SMCHD1: variants seen among roughly 807,000 people sequenced by gnomAD.
SMCHD1 encodes structural maintenance of chromosomes flexible hinge domain-containing protein 1.
In SMCHD1, 78 loss-of-function variants were observed where a neutral mutation model predicts 254.7. The observed-to-expected ratio is 0.31, with a 90% confidence interval of 0.26 to 0.37. The LOEUF is 0.37. Among genes scored for constraint, SMCHD1 ranks in the 10% least tolerant of loss-of-function variants. The probability of loss-of-function intolerance (pLI) is 1.00; values close to 1 mark genes in which losing one functional copy is unlikely to be tolerated. For synonymous variants in SMCHD1, 766 were observed against 794.9 expected, an observed-to-expected ratio of 0.96 and a Z score of 0.61; for missense variants, 1,840 against 2,408.1, an observed-to-expected ratio of 0.76 and a Z score of 4.94.
chr18:2,671,596 T>C (rs1198606740), intron 3 of SMCHD1, among the ~76,000 whole-genome samples: 1 of 73,398 alleles, frequency 1.4e-5, no homozygotes, highest in Non-Finnish European at 2.7e-5. Context: ...TTTTCTTTTC[T>C]TTTTTTTTTT....
intron 41 of SMCHD1, 142 bp downstream of exon 41, chr18:2,772,514 A>C (rs655479): frequency 1.5e-6 from 1 of 653,312 alleles, no homozygotes; most frequent in East Asian, 3.5e-5. Context: ...TCATTATTGC[A>C]ATAGGGATTT....
intron 45 of SMCHD1, among the ~76,000 whole-genome samples, chr18:2,792,099 CAA>C (rs1221989963): frequency 6.6e-6 from 1 of 151,990 alleles, no homozygotes; most frequent in East Asian, 1.9e-4. Context: ...CAATAAAGTA[CAA>C]AAAGAGTTCA....
chr18:2,752,734 G>A lies in SMCHD1; in HGVS notation c.4346+182G>A, dbSNP rs974383459. 5 of 516,274 alleles carry A rather than the reference G, an allele frequency of 9.7e-6. No homozygotes were observed. The African/African-American group carries it at 9.9e-5, about 10-fold the overall frequency. The allele number at this position is 516,274 out of a possible 1,614,324, so 32.0% of individuals were successfully genotyped here. On this transcript the variant is annotated intron_variant, in intron 34 of 47. Coordinates refer to ENST00000320876, the MANE Select transcript of SMCHD1 (RefSeq NM_015295.3). The stretch of plus-strand genomic sequence containing the variant: ...GTTTTCGTTTTTAAGCATTAAATTG[G>A]TTTTAAGCTTTGTAAATTGTAATTG...
intron 47 of SMCHD1, chr18:2,796,729 C>T: frequency 3.9e-6 from 2 of 507,366 alleles, no homozygotes; most frequent in Non-Finnish European, 6.9e-6. Context: ...TACAGGCATG[C>T]ACCACCATGC....
intron 1 of SMCHD1, among the ~76,000 whole-genome samples, chr18:2,658,250 A>G (rs2073132989): frequency 6.6e-6 from 1 of 152,230 alleles, no homozygotes; most frequent in Admixed American, 6.5e-5. Flanking sequence ...TCCTCTAGAA[A>G]TGCACTATTT....
At chr18:2,697,174 A>C (rs2074302669) in intron 9 of SMCHD1, 52 bp downstream of exon 9, 3 of 921,630 alleles carry the variant, frequency 3.3e-6, no homozygotes, top group Admixed American at 6.2e-5. Context: ...TATTTGTTCC[A>C]GTTCCAAATG....
At chr18:2,759,209 A>C (rs953587651) in intron 34 of SMCHD1, among the ~76,000 whole-genome samples, 3 of 152,112 alleles carry the variant, frequency 2.0e-5, no homozygotes, top group African/African-American at 7.2e-5. Flanking sequence ...TATAGAAATA[A>C]TTGGATATAT....
At chr18:2,757,095 C>CAA (rs2075695941) in intron 34 of SMCHD1, among the ~76,000 whole-genome samples, 1 of 152,140 alleles carries the variant, frequency 6.6e-6, no homozygotes, top group Admixed American at 6.5e-5. Context: ...GTCACACACA[C>CAA]AAAACATGTA....
At chr18:2,761,886 G>T (rs913219597) in intron 35 of SMCHD1, among the ~76,000 whole-genome samples, 5 of 152,114 alleles carry the variant, frequency 3.3e-5, no homozygotes, top group African/African-American at 1.2e-4. Context: ...CTCTAAGTTT[G>T]TTCTTAGATG....
At chr18:2,771,449 C>A in intron 39 of SMCHD1, 84 bp from the exon 40 acceptor site, 1 of 1,033,608 alleles carries the variant, frequency 9.7e-7, no homozygotes, top group Non-Finnish European at 1.4e-6. Context: ...AAGGAAAAAA[C>A]AAAAGGAACT....
rs4798021 is a variant in SMCHD1 at position 2,752,839 on chromosome 18, G to A, written c.4346+287G>A. 25,754 of 259,082 alleles carry A rather than the reference G, an allele frequency of 0.099. 1,961 individuals carry two copies. The highest frequency in any genetic ancestry group is 0.41 in the East Asian group (3,437 of 8,452). The allele number at this position is 259,082 out of a possible 1,614,324, so 16.0% of individuals were successfully genotyped here. ...GCACTTTATAACTTCTTATTATATA[G>A]GAGGTTTCTATAAAGATTAGACTGG... On this transcript the variant is annotated intron_variant, in intron 34 of 47. Transcript: ENST00000320876.
At position 2,780,319 on chromosome 18, in the gene SMCHD1, G is replaced by A. The variant is rs978233749; in HGVS notation, c.5547+2080G>A. 6.0e-5 allele frequency among the ~76,000 whole-genome samples: 9 copies of A among 149,658 alleles called. No individual in the cohort carries two copies. The East Asian group carries it at 1.4e-3, about 23-fold the overall frequency. ...GAAAACTAAATTACTGGGATTTTGAGCATTATATAGCTAATTGGAAAATGG... is the reference window on the plus strand; with the variant it reads ...GAAAACTAAATTACTGGGATTTTGAACATTATATAGCTAATTGGAAAATGG... On this transcript the variant is annotated intron_variant, in intron 44 of 47. Transcript: ENST00000320876.
intron 1 of SMCHD1, among the ~76,000 whole-genome samples, chr18:2,662,184 T>TAA (rs1376912129): frequency 3.6e-5 from 3 of 83,986 alleles, no homozygotes; most frequent in African/African-American, 2.5e-4. Context: ...AAAAATAAAA[T>TAA]AAATAAATAA....
intron 5 of SMCHD1, among the ~76,000 whole-genome samples, chr18:2,681,393 A>G (rs1568125474): frequency 7.1e-6 from 1 of 140,122 alleles, no homozygotes; most frequent in Non-Finnish European, 1.5e-5. Context: ...AGCCTGGGTG[A>G]CAGAATGAGA....
At position 2,655,778 on chromosome 18, in the gene SMCHD1, C is replaced by T. The variant is rs1311837092; in HGVS notation, c.-298C>T. 2.3e-5 allele frequency: 6 copies of T among 260,924 alleles called. No homozygotes were observed. Among genetic ancestry groups the T allele is most frequent in the Admixed American group, 1.1e-4 (2 of 18,176 alleles). The allele number at this position is 260,924 out of a possible 1,614,324, so 16.2% of individuals were successfully genotyped here. The stretch of plus-strand genomic sequence containing the variant: ...GGTCGCACCGTGAGGCTCGCGTGGG[C>T]GGCGATAGGCGCTGGGCCCGGGCCC... On this transcript the variant is annotated 5_prime_UTR_variant, in exon 1 of 48. Coordinates refer to ENST00000320876, the MANE Select transcript of SMCHD1 (RefSeq NM_015295.3).
chr18:2,782,469 A>T (rs998820729), intron 44 of SMCHD1, among the ~76,000 whole-genome samples: 2 of 152,024 alleles, frequency 1.3e-5, no homozygotes, highest in African/African-American at 4.8e-5. Flanking sequence ...GCTGAGCATG[A>T]TGGCTCATGC....
chr18:2,772,505 C>T, intron 41 of SMCHD1, 133 bp downstream of exon 41: 1 of 683,930 alleles, frequency 1.5e-6, no homozygotes, highest in South Asian at 3.2e-5. Context: ...TACCTGCTCT[C>T]ATTATTGCAA....
intron 5 of SMCHD1, among the ~76,000 whole-genome samples, chr18:2,682,481 C>T (rs752981907): frequency 8.5e-5 from 13 of 152,232 alleles, no homozygotes; most frequent in African/African-American, 2.9e-4. Context: ...CACCACCACT[C>T]CTGAAAAATT....
At chr18:2,794,400 C>G (rs1411492988) in intron 45 of SMCHD1, among the ~76,000 whole-genome samples, 1 of 152,072 alleles carries the variant, frequency 6.6e-6, no homozygotes, top group Middle Eastern at 3.2e-3. Flanking sequence ...GAGCTATTCA[C>G]GAGGCTAAGA....
Sources: allele counts gnomAD v4.1 joint callset (sites outside exome capture counted in the v4.1 genomes callset), GRCh38; gene constraint gnomAD v4.1.1; transcripts MANE v1.5; gene names NCBI Gene and HGNC (gene_info 2026-07-23, HGNC 2026-07-21).